The following PRMT1 variants were observed in gnomAD, a reference collection of about 807,000 sequenced individuals.
The protein encoded by PRMT1 is protein arginine N-methyltransferase 1.
A neutral mutation model predicts 47.4 loss-of-function variants in PRMT1; 5 were observed. The ratio of observed to expected loss-of-function variants is 0.11; its 90% CI spans 0.06 to 0.22. The LOEUF is 0.22. Ranked by LOEUF, PRMT1 falls within the 10% of genes least tolerant of loss-of-function variation. The pLI, the probability that PRMT1 is intolerant of heterozygous loss-of-function variation, is 1.00. For missense variants in PRMT1, 249 were observed against 518.4 expected (o/e 0.48, Z 5.05); for synonymous variants, 227 against 204.6 (o/e 1.11, Z -0.94).
chr19:49,682,244 AACAAGTTAGACC>A lies in PRMT1; in HGVS notation c.400_411del (p.Lys134_His137del). 6.2e-7 allele frequency: 1 copy of A among 1,613,380 alleles called. No homozygotes were observed. The highest frequency in any genetic ancestry group is 1.1e-5 in the South Asian group (1 of 91,038). On this transcript the variant is annotated inframe_deletion, in exon 5 of 11. Transcript: ENST00000454376. ...TTATGCGGTGAAGATCGTCAAAGCCAACAAGTTAGACCACGGTGAGCCCAGAAAGAGGATGGG... is the reference window on the plus strand; with the variant it reads ...TTATGCGGTGAAGATCGTCAAAGCCAACGGTGAGCCCAGAAAGAGGATGGG...
In PRMT1 at chr19:49,686,473, A is replaced by G. The variant is rs148169100; in HGVS notation, c.911-132A>G. ...ACACGGTCCCTGTCTCCAAAGCTCA[A>G]TGACAGGGAGGTGACTCGCGGATAG... On this transcript the variant is annotated intron_variant, in intron 9 of 10. Transcript: ENST00000454376. 387 of 1,185,566 alleles carry G rather than the reference A, an allele frequency of 3.3e-4. 2 individuals carry two copies. The East Asian group carries it at 9.1e-3, about 28-fold the overall frequency. The allele number at this position is 1,185,566 out of a possible 1,614,324, so 73.4% of individuals were successfully genotyped here.
In PRMT1 at chr19:49,684,135, G is replaced by A. The variant is rs932204860; in HGVS notation, c.555+66G>A. On this transcript the variant is annotated intron_variant, in intron 6 of 10. Coordinates refer to ENST00000454376, the MANE Select transcript of PRMT1 (RefSeq NM_001536.6). The surrounding 1 kb of genome is among the most constrained non-coding windows in gnomAD (Gnocchi z 6.2). ...GGTCCAGGTAGAAGACGAAAACCAC[G>A]CTCAATTTTTCCCACAGACGGGACT... The A allele has an allele frequency of 3.5e-5, 55 of 1,592,942 alleles. No homozygotes were observed. Among genetic ancestry groups the A allele is most frequent in the South Asian group, 2.1e-4 (19 of 89,548 alleles).
chr19:49,679,574 C>T (rs771907448), intron 1 of PRMT1: 1 of 675,216 alleles, frequency 1.5e-6, no homozygotes, highest in South Asian at 1.5e-5. Context: ...GTGCCAATTC[C>T]CCTGGCCTGG....
At chr19:49,682,779 A>ATTTTTTTTTTTTTTTTTTTTTTTTTTTT in intron 5 of PRMT1, among the ~76,000 whole-genome samples, 1 of 70,978 alleles carries the variant, frequency 1.4e-5, no homozygotes, top group Non-Finnish European at 2.5e-5. Flanking sequence ...CATCCCCAGC[A>ATTTTTTTTTTTTTTTTTTTTTTTTTTTT]TTTTTTTTTT....
In PRMT1 at chr19:49,684,825, A is replaced by G. The variant is rs1599948153; in HGVS notation, c.627A>G (p.Lys209=). Residue 209 remains lysine, a synonymous_variant, in exon 7 of 11, where the codon AAA becomes AAG. Coordinates refer to ENST00000454376, the MANE Select transcript of PRMT1 (RefSeq NM_001536.6). This position sits in a 1 kb window ranked among gnomAD's most constrained non-coding sequence, Gnocchi z 6.2. ...CGGCCATCGAGGACCGGCAGTACAA[A>G]GACTACAAGATCCACTGTGAGCGCG... The part of the protein sequence containing the change: ...YVTAIEDRQY[K]DYKIHWWENV... The G allele has an allele frequency of 1.2e-6, 2 of 1,609,324 alleles. No homozygotes were observed. Among genetic ancestry groups the G allele is most frequent in the East Asian group, 4.5e-5 (2 of 44,714 alleles).
At position 49,683,454 on chromosome 19, in the gene PRMT1, C is replaced by T. The variant is rs562549853; in HGVS notation, c.413-473C>T. Among the ~76,000 whole-genome samples, 583 of 151,782 alleles carry T rather than the reference C, an allele frequency of 3.8e-3. 2 individuals are homozygous for T. Among genetic ancestry groups the T allele is most frequent in the Non-Finnish European group, 6.7e-3 (458 of 67,920 alleles). On this transcript the variant is annotated intron_variant, in intron 5 of 10. Coordinates refer to ENST00000454376, the MANE Select transcript of PRMT1 (RefSeq NM_001536.6). ...CTGTAATCCCAACATTTTGGGAGGCCGAGGCGGGCGGATCGTGAGGTCAGG... is the reference window on the plus strand; with the variant it reads ...CTGTAATCCCAACATTTTGGGAGGCTGAGGCGGGCGGATCGTGAGGTCAGG...
In PRMT1 at chr19:49,684,896, C is replaced by T. The variant is rs777420756; in HGVS notation, c.644-26C>T. On this transcript the variant is annotated intron_variant, in intron 7 of 10. Transcript: ENST00000454376. The surrounding 1 kb of genome is among the most constrained non-coding windows in gnomAD (Gnocchi z 6.2). ...GGCCTCGGGTGGGCTGCTGCGGGCTCACCCCCTCCCTGCCTGCCTCCCCAG... is the reference window on the plus strand; with the variant it reads ...GGCCTCGGGTGGGCTGCTGCGGGCTTACCCCCTCCCTGCCTGCCTCCCCAG... 3.1e-6 allele frequency: 5 copies of T among 1,605,554 alleles called. No homozygotes were observed. Among genetic ancestry groups the T allele is most frequent in the African/African-American group, 2.7e-5 (2 of 74,684 alleles).
rs1007576675 is a variant in PRMT1 at position 49,684,755 on chromosome 19, C to T, written c.557C>T (p.Ala186Val). Residue 186 changes from alanine to valine, a missense_variant and splice_region_variant, in exon 7 of 11, where the codon GCG (alanine) becomes GTG (valine). This residue lies in a region of PRMT1 where 190 missense variants were observed against 456.7 expected (regional missense o/e 0.42). Transcript: ENST00000454376. This position sits in a 1 kb window ranked among gnomAD's most constrained non-coding sequence, Gnocchi z 6.2. The part of the protein sequence containing the change: ...TVLYARDKWL[A>V]PDGLIFPDRA... ...ATGCCTCGCCCTGCCCCTCTGTAGG[C>T]GCCCGATGGCCTCATCTTCCCAGAC... is the stretch of plus-strand genomic sequence containing the variant. 5.8e-6 allele frequency: 9 copies of T among 1,553,314 alleles called. No individual in the cohort carries two copies. Among genetic ancestry groups the T allele is most frequent in the Admixed American group, 3.9e-5 (2 of 51,120 alleles).
In PRMT1 at chr19:49,680,036, A is replaced by G. The variant is rs1970416786; in HGVS notation, c.90+111A>G. 1.6e-6 allele frequency: 2 copies of G among 1,256,878 alleles called. No homozygotes were observed. Among genetic ancestry groups the G allele is most frequent in the Admixed American group, 2.0e-5 (1 of 50,212 alleles). 77.9% of individuals were successfully genotyped at this position (1,256,878 alleles called of 1,614,324 possible). ...AACCATACCCCTCTTGCTTCAAACC[A>G]GTTTACCCCAGGCCCCCAGACACTT... On this transcript the variant is annotated intron_variant, in intron 2 of 10. Coordinates refer to ENST00000454376, the MANE Select transcript of PRMT1 (RefSeq NM_001536.6). This position sits in a 1 kb window ranked among gnomAD's most constrained non-coding sequence, Gnocchi z 4.2.
Position 49,686,674 on chromosome 19 carries a change from C to T in PRMT1, c.980C>T (p.Thr327Met), listed in dbSNP as rs201177531. ...ATGGAGGACTACCTGACCGTGAAGACGGGCGAGGAGATCTTCGGCACCATC... is the reference window on the plus strand; with the variant it reads ...ATGGAGGACTACCTGACCGTGAAGATGGGCGAGGAGATCTTCGGCACCATC... ...FYMEDYLTVK[T>M]GEEIFGTIGM... The change falls in exon 10 of 11, where the codon ACG becomes ATG. Residue 327 changes from threonine (T) to methionine (M), a missense_variant. Physicochemically the swap from Thr to Met is moderately conservative, Grantham distance 81. Transcript: ENST00000454376. 17 of 1,609,628 alleles carry T rather than the reference C, an allele frequency of 1.1e-5. No homozygotes were observed. Among genetic ancestry groups the T allele is most frequent in the Admixed American group, 1.7e-5 (1 of 59,766 alleles).
chr19:49,682,100 T>TG (rs1286900537), intron 4 of PRMT1, 35 bp downstream of exon 4: 1 of 1,613,668 alleles, frequency 6.2e-7, no homozygotes, highest in Non-Finnish European at 8.5e-7. Flanking sequence ...GGGCCGGGCC[T>TG]GAGGGATGGA....
chr19:49,680,249 C>T lies in PRMT1; in HGVS notation c.91-238C>T. ...GAGACTGGAGAGATGGTAGGCGTGGCTGAGGTATCGGGGTGCTCCCCTGGA... is the reference window on the plus strand; with the variant it reads ...GAGACTGGAGAGATGGTAGGCGTGGTTGAGGTATCGGGGTGCTCCCCTGGA... On this transcript the variant is annotated intron_variant, in intron 2 of 10. Transcript: ENST00000454376. The surrounding 1 kb of genome is among the most constrained non-coding windows in gnomAD (Gnocchi z 4.2). 6.3e-7 allele frequency: 1 copy of T among 1,577,816 alleles called. No individual in the cohort carries two copies. Among genetic ancestry groups the T allele is most frequent in the Non-Finnish European group, 8.7e-7 (1 of 1,151,386 alleles).
At position 49,682,395 on chromosome 19, in the gene PRMT1, C is replaced by T. The variant is rs148085048; in HGVS notation, c.412+136C>T. The stretch of plus-strand genomic sequence containing the variant: ...CCCAACCCATGGTCTTTTGGGCTGC[C>T]GGCCGCCTGAGAATCTGAGTGTCAA... On this transcript the variant is annotated intron_variant, in intron 5 of 10. Transcript: ENST00000454376. The T allele has an allele frequency of 1.1e-3, 997 of 915,772 alleles. 9 individuals carry two copies. In the African/African-American group the frequency reaches 0.015, roughly 14 times the overall value. 56.7% of individuals were successfully genotyped at this position (915,772 alleles called of 1,614,324 possible). A position where few individuals can be genotyped will look rare whatever the true frequency, so the allele number is the denominator to read the frequency against.
At chr19:49,676,299 G>GC (rs2082038806), upstream of PRMT1, 2 of 152,410 alleles carry the variant, frequency 1.3e-5, no homozygotes, top group African/African-American at 4.8e-5. Context: ...GAGAGGAGGG[G>GC]CAGGACCCAC....
rs753591648 is a variant in PRMT1, at chr19:49,685,031, C to T, written c.753C>T (p.Leu251=). ...DPKQLVTNAC[L]IKEVDIYTVK... is the part of the protein sequence containing the mutation. ...AACAGCTGGTCACCAACGCCTGCCT[C>T]ATAAAGGTGAGGGGGTGGGCATGGC... Residue 251 remains leucine (L), a synonymous_variant, in exon 8 of 11, where the codon CTC becomes CTT. Coordinates refer to ENST00000454376, the MANE Select transcript of PRMT1 (RefSeq NM_001536.6). This position sits in a 1 kb window ranked among gnomAD's most constrained non-coding sequence, Gnocchi z 4.7. The T allele has an allele frequency of 1.9e-6, 3 of 1,613,956 alleles. No homozygotes were observed. The highest frequency in any genetic ancestry group is 8.5e-7 in the Non-Finnish European group (1 of 1,179,916).
At position 49,686,300 on chromosome 19, in the gene PRMT1, C is replaced by G. The variant is rs1002036044; in HGVS notation, c.910+57C>G. 2.6e-6 allele frequency: 4 copies of G among 1,523,864 alleles called. No individual in the cohort carries two copies. The Admixed American group carries it at 6.3e-5, about 24-fold the overall frequency. The allele number at this position is 1,523,864 out of a possible 1,614,324, so 94.4% of individuals were successfully genotyped here. On this transcript the variant is annotated intron_variant, in intron 9 of 10. Transcript: ENST00000454376. ...TCCCGAGCCAGGGCGGAGGCGCACC[C>G]ACGTAGTGGAGGGGGTGACAGAAAC...
At position 49,685,128 on chromosome 19, in the gene PRMT1, T is replaced by C; in HGVS notation, c.759+91T>C. On this transcript the variant is annotated intron_variant, in intron 8 of 10. Transcript: ENST00000454376. This position sits in a 1 kb window ranked among gnomAD's most constrained non-coding sequence, Gnocchi z 4.7. ...TGGCATGGGACTTTGGGGCCCAGAA[T>C]GTTGGCCTGAGGTCTCAGAGCCTGA... 1 of 1,583,656 alleles carries C rather than the reference T, an allele frequency of 6.3e-7. No individual in the cohort carries two copies. Among genetic ancestry groups the C allele is most frequent in the Non-Finnish European group, 8.6e-7 (1 of 1,164,888 alleles).
intron 1 of PRMT1, chr19:49,679,662 T>A (rs2082086186): frequency 1.4e-6 from 1 of 690,594 alleles, no homozygotes; most frequent in Admixed American, 2.0e-5. Flanking sequence ...CAGCCACAGC[T>A]GGGATAGGAG....
At position 49,688,213 on chromosome 19, in the gene PRMT1, C is replaced by T; in HGVS notation, c.1084C>T (p.Leu362=). Residue 362 remains leucine (L), a synonymous_variant, in exon 11 of 11, where the codon CTG becomes TTG. Coordinates refer to ENST00000454376, the MANE Select transcript of PRMT1 (RefSeq NM_001536.6). This position sits in a 1 kb window ranked among gnomAD's most constrained non-coding sequence, Gnocchi z 5.3. ...DLDFKGQLCE[L]SCSTDYRMR Reference sequence around the variant, plus strand: ...GGACTTCAAGGGCCAGCTGTGCGAGCTGTCCTGCTCCACCGACTACCGGAT... The same window carrying T: ...GGACTTCAAGGGCCAGCTGTGCGAGTTGTCCTGCTCCACCGACTACCGGAT... The T allele has an allele frequency of 1.2e-6, 2 of 1,614,004 alleles. No homozygotes were observed. Among genetic ancestry groups the T allele is most frequent in the East Asian group, 4.5e-5 (2 of 44,862 alleles).
Sources: allele counts gnomAD v4.1 joint callset (sites outside exome capture counted in the v4.1 genomes callset), GRCh38; gene constraint gnomAD v4.1.1; regional missense constraint gnomAD v4.1.1; non-coding constraint Gnocchi (gnomAD v3.1); transcripts MANE v1.5; gene names NCBI Gene and HGNC (gene_info 2026-07-23, HGNC 2026-07-21).